Variants in TEX29 observed in about 807,000 individuals in gnomAD.
The protein encoded by TEX29 is testis-expressed protein 29.
A neutral mutation model predicts 18.2 loss-of-function variants in TEX29; 26 were observed. The ratio of observed to expected loss-of-function variants is 1.43; its 90% CI spans 1.04 to 1.98. The LOEUF (loss-of-function observed/expected upper bound fraction) is 1.98. TEX29 is among the 30% of genes most tolerant of loss of function. The probability of loss-of-function intolerance (pLI) is 0.00; values close to 1 mark genes in which losing one functional copy is unlikely to be tolerated. For synonymous variants in TEX29, 83 were observed against 78.5 expected, an observed-to-expected ratio of 1.06 and a Z score of -0.31; for missense variants, 177 against 194.2, an observed-to-expected ratio of 0.91 and a Z score of 0.53.
intron 3 of TEX29, 152 bp downstream of exon 3, chr13:111,328,445 T>G: frequency 4.8e-6 from 3 of 627,978 alleles, no homozygotes; most frequent in Non-Finnish European, 8.5e-6. Flanking sequence ...TCCGTCTTAG[T>G]GGGGACAGTA....
intron 3 of TEX29, among the ~76,000 whole-genome samples, chr13:111,335,217 G>T (rs549206760): frequency 2.6e-5 from 4 of 152,168 alleles, no homozygotes; most frequent in African/African-American, 9.7e-5. Flanking sequence ...GCCCTAGTCC[G>T]GTTGTACATA....
At chr13:111,321,651 G>A (rs1228414343) in intron 2 of TEX29, among the ~76,000 whole-genome samples, 1 of 151,922 alleles carries the variant, frequency 6.6e-6, no homozygotes, top group Non-Finnish European at 1.5e-5. Flanking sequence ...AAAATCGGAT[G>A]GGCGTGGTGG....
At chr13:111,331,039 T>C (rs1331168800) in intron 3 of TEX29, among the ~76,000 whole-genome samples, 1 of 152,228 alleles carries the variant, frequency 6.6e-6, no homozygotes, top group African/African-American at 2.4e-5. Context: ...TGCAAACATG[T>C]TTTTTATTCT....
chr13:111,333,053 A>G (rs532115831), intron 3 of TEX29, among the ~76,000 whole-genome samples: 4 of 152,140 alleles, frequency 2.6e-5, no homozygotes, highest in South Asian at 2.1e-4. Context: ...TGAATGTTTT[A>G]TCTCATTGCC....
At chr13:111,325,748 T>C (rs895531410) in intron 2 of TEX29, among the ~76,000 whole-genome samples, 2 of 152,186 alleles carry the variant, frequency 1.3e-5, no homozygotes, top group Non-Finnish European at 2.9e-5. Flanking sequence ...ACTGCCGGGA[T>C]TCGACGGCTG....
intron 3 of TEX29, among the ~76,000 whole-genome samples, chr13:111,335,768 C>T (rs1178393211): frequency 6.6e-6 from 1 of 152,192 alleles, no homozygotes; most frequent in Non-Finnish European, 1.5e-5. Context: ...ATCCCAATTT[C>T]CTCACATCCC....
chr13:111,334,181 A>G lies in TEX29; in HGVS notation c.170-5682A>G, dbSNP rs79952352. The stretch of plus-strand genomic sequence containing the variant: ...TTCTTTCTTGAAAATTGGACATTTT[A>G]GGTAAGATAATATAGCACCTCTGAG... On this transcript the variant is annotated intron_variant, in intron 3 of 5. Transcript: ENST00000283547. 6.9e-3 allele frequency among the ~76,000 whole-genome samples: 1,051 copies of G among 152,258 alleles called. 13 individuals carry two copies. The highest frequency in any genetic ancestry group is 0.024 in the African/African-American group (1,001 of 41,532).
intron 2 of TEX29, among the ~76,000 whole-genome samples, chr13:111,321,619 C>CAA (rs1249823070): frequency 3.6e-5 from 5 of 139,324 alleles, no homozygotes; most frequent in Admixed American, 6.9e-5. Context: ...ACAACAACAA[C>CAA]AAAAACAAAA....
At chr13:111,320,995 T>TGGGGGGGGGGGGGGGGGGGGGGGGGGGG in intron 2 of TEX29, 47 bp downstream of exon 2, 1 of 320,860 alleles carries the variant, frequency 3.1e-6, no homozygotes, top group Non-Finnish European at 5.8e-6. Flanking sequence ...GGGGAGCAGT[T>TGGGGGGGGGGGGGGGGGGGGGGGGGGGG]GGGGGGGGGC....
At chr13:111,337,698 C>T (rs963652714) in intron 3 of TEX29, among the ~76,000 whole-genome samples, 12 of 152,070 alleles carry the variant, frequency 7.9e-5, no homozygotes, top group African/African-American at 2.7e-4. Context: ...GTTTCCCCTC[C>T]TCAGGTAAGC....
intron 3 of TEX29, among the ~76,000 whole-genome samples, chr13:111,332,063 T>A (rs1366074586): frequency 6.6e-6 from 1 of 152,184 alleles, no homozygotes; most frequent in Non-Finnish European, 1.5e-5. Flanking sequence ...CAAATTTAGC[T>A]TGTCAATTTC....
chr13:111,323,720 C>T (rs2093668428), intron 2 of TEX29, among the ~76,000 whole-genome samples: 1 of 151,310 alleles, frequency 6.6e-6, no homozygotes, highest in African/African-American at 2.4e-5. Flanking sequence ...AGCCTCTGCA[C>T]ACACAGGGAT....
At chr13:111,318,388 C>T (rs117140781), upstream of TEX29, among the ~76,000 whole-genome samples, 2,758 of 152,302 alleles carry the variant, frequency 0.018, 37 homozygotes, top group South Asian at 0.039. Context: ...CTGGTTATCA[C>T]GTGGGAACGG....
chr13:111,323,448 G>A (rs1327385354), intron 2 of TEX29, among the ~76,000 whole-genome samples: 1 of 152,220 alleles, frequency 6.6e-6, no homozygotes. Flanking sequence ...AAAGATTAAT[G>A]TCAATTCTCT....
At chr13:111,330,927 G>T (rs1220293677) in intron 3 of TEX29, among the ~76,000 whole-genome samples, 1 of 152,160 alleles carries the variant, frequency 6.6e-6, no homozygotes, top group Non-Finnish European at 1.5e-5. Context: ...TAGGTATGCC[G>T]CATTTTGTTG....
In TEX29 at chr13:111,320,670, A is replaced by C; in HGVS notation, c.-127A>C. The C allele has an allele frequency of 1.7e-6, 1 of 596,696 alleles. No individual in the cohort carries two copies. The allele number at this position is 596,696 out of a possible 1,614,324, so 37.0% of individuals were successfully genotyped here. ...GTGAGCGGCAGACAGAGGGGTGGCC[A>C]GTTTGTTGTTTTACCTAAAAGGTGT... is the stretch of plus-strand genomic sequence containing the variant. On this transcript the variant is annotated 5_prime_UTR_variant, in exon 1 of 6. Transcript: ENST00000283547.
Position 111,320,916 on chromosome 13 carries a change from A to G in TEX29, c.26A>G (p.Asn9Ser). 1 of 1,449,582 alleles carries G rather than the reference A, an allele frequency of 6.9e-7. No homozygotes were observed. The allele number at this position is 1,449,582 out of a possible 1,614,324, so 89.8% of individuals were successfully genotyped here. ...ATGGAATACGTGCTGGAAGTGAAGA[A>G]CTCTCCGCGGCACCTCCTGAAGCAA... is the stretch of plus-strand genomic sequence containing the variant. Reference protein sequence around the residue: MEYVLEVKNSPRHLLKQFT... With the variant: MEYVLEVKSSPRHLLKQFT... The change falls in exon 2 of 6, where the codon AAC becomes AGC. Residue 9 changes from asparagine to serine, a missense_variant. Transcript: ENST00000283547.
chr13:111,335,680 C>T (rs1875202169), intron 3 of TEX29, among the ~76,000 whole-genome samples: 1 of 152,230 alleles, frequency 6.6e-6, no homozygotes, highest in Non-Finnish European at 1.5e-5. Context: ...CCATGTAAGG[C>T]TCCTGAAAGT....
upstream of TEX29, among the ~76,000 whole-genome samples, chr13:111,316,978 A>G (rs1043595091): frequency 2.0e-5 from 3 of 152,038 alleles, no homozygotes; most frequent in Non-Finnish European, 4.4e-5. Flanking sequence ...AGAACTCACT[A>G]TCATGAGAAC....
Sources: gnomAD v4.1 joint callset for allele counts (sites outside exome capture counted in the v4.1 genomes callset) on GRCh38, gnomAD v4.1.1 for gene constraint, MANE v1.5 for transcripts, NCBI Gene and HGNC (gene_info 2026-07-23, HGNC 2026-07-21) for gene names.